The following LRRN2 variants were observed in gnomAD, a reference collection of about 807,000 sequenced individuals.
The protein encoded by LRRN2 is leucine rich repeat neuronal 2, also known as leucine-rich repeat neuronal protein 2.
A neutral mutation model predicts 35.7 loss-of-function variants in LRRN2; 10 were observed. The observed-to-expected ratio is 0.28, with a 90% CI of 0.17 to 0.47. The LOEUF (loss-of-function observed/expected upper bound fraction) is 0.47. Ranked by LOEUF, LRRN2 falls within the 20% of genes least tolerant of loss-of-function variation. The probability of loss-of-function intolerance (pLI) is 0.99; values close to 1 mark genes in which losing one functional copy is unlikely to be tolerated. For synonymous variants in LRRN2, 391 were observed against 409.6 expected (o/e 0.95, Z 0.55); for missense variants, 731 against 940.3 (o/e 0.78, Z 2.91).
intron 1 of LRRN2, among the ~76,000 whole-genome samples, chr1:204,672,577 G>A (rs112687572): frequency 1.5e-4 from 23 of 152,310 alleles, no homozygotes; most frequent in South Asian, 6.2e-4. Flanking sequence ...CTGTCGCGCC[G>A]TCTTGGAGGA....
chr1:204,632,459 G>A (rs7515096), intron 1 of LRRN2, among the ~76,000 whole-genome samples: 53,071 of 151,176 alleles, frequency 0.35, 10,920 homozygotes, highest in Admixed American at 0.47. Context: ...GTGAAACCCC[G>A]ACTCAATTAA....
chr1:204,667,291 T>C (rs1668592981), intron 1 of LRRN2, among the ~76,000 whole-genome samples: 1 of 152,188 alleles, frequency 6.6e-6, no homozygotes, highest in Admixed American at 6.5e-5. Flanking sequence ...AGGCAAGATG[T>C]TGGCACTGGG....
intron 1 of LRRN2, among the ~76,000 whole-genome samples, chr1:204,674,981 C>T (rs543993483): frequency 1.5e-4 from 23 of 152,288 alleles, no homozygotes; most frequent in Non-Finnish European, 2.2e-4. Context: ...TTGTAACGGA[C>T]GAGTTCATGA....
chr1:204,666,608 A>G (rs1038869976), intron 1 of LRRN2, among the ~76,000 whole-genome samples: 59 of 152,340 alleles, frequency 3.9e-4, no homozygotes, highest in African/African-American at 1.3e-3. Context: ...ACAAAAAAGA[A>G]CAAACTAACT....
Position 204,618,975 on chromosome 1 carries a change from G to A in LRRN2, c.1018C>T (p.Leu340Phe). 3 of 1,613,692 alleles carry A rather than the reference G, an allele frequency of 1.9e-6. No individual in the cohort carries two copies. The highest frequency in any genetic ancestry group is 2.5e-6 in the Non-Finnish European group (3 of 1,179,670). The change falls in exon 2 of 2, where the codon CTC (leucine) becomes TTC (phenylalanine). Residue 340 changes from leucine (L) to phenylalanine (F), a missense_variant. Transcript: ENST00000367177. ...CTGAGAGCGTTGTTGTTGAGCATGA[G>A]GGTCTCCATCTGGGGCAGGTGGTGG... is the stretch of plus-strand genomic sequence containing the variant. ...AFHHLPQMETLMLNNNALSAL... is the reference protein window; with the variant it reads ...AFHHLPQMETFMLNNNALSAL...
At chr1:204,656,705 A>G (rs969151931) in intron 1 of LRRN2, among the ~76,000 whole-genome samples, 1 of 152,226 alleles carries the variant, frequency 6.6e-6, no homozygotes, top group African/African-American at 2.4e-5. Context: ...ACACAGTTCC[A>G]TGACCTATTT....
At position 204,619,665 on chromosome 1, in the gene LRRN2, C is replaced by T. The variant is rs116665130; in HGVS notation, c.328G>A (p.Asp110Asn). The T allele has an allele frequency of 1.3e-4, 209 of 1,614,194 alleles. No individual in the cohort carries two copies. The East Asian group carries it at 4.2e-3, about 32-fold the overall frequency. The change falls in exon 2 of 2, where the codon GAC becomes AAC. Residue 110 changes from aspartate (D) to asparagine (N), a missense_variant. Physicochemically the swap from Asp to Asn is conservative, Grantham distance 23. Around this residue, in one of 3 missense-constraint regions of LRRN2, gnomAD observed 246 missense variants for 289.5 expected, o/e 0.85. Coordinates refer to ENST00000367177, the MANE Select transcript of LRRN2 (RefSeq NM_201630.2). ...TGGGGCAGGGCATGGAAATCACAGT[C>T]TCGGGCATCCGAAAAGCTGTTCTGG... ...LSQNSFSDARDCDFHALPQLL... is the reference protein window; with the variant it reads ...LSQNSFSDARNCDFHALPQLL...
intron 1 of LRRN2, among the ~76,000 whole-genome samples, chr1:204,658,657 C>G (rs905984923): frequency 8.5e-5 from 13 of 152,174 alleles, no homozygotes; most frequent in African/African-American, 3.1e-4. Flanking sequence ...AGATGCCAAC[C>G]ATTTCTCAGC....
intron 1 of LRRN2, among the ~76,000 whole-genome samples, chr1:204,644,189 C>T (rs1251373864): frequency 6.6e-6 from 1 of 152,044 alleles, no homozygotes; most frequent in Non-Finnish European, 1.5e-5. Flanking sequence ...GGTCAGAAGC[C>T]ACATTTCCCC....
chr1:204,646,992 G>A lies in LRRN2; in HGVS notation c.-226-26774C>T, dbSNP rs56723850. On this transcript the variant is annotated intron_variant, in intron 1 of 1. Transcript: ENST00000367177. ...CAACTGGATTCCAAGCCAGGGTTCC[G>A]TCTCAACCCAGAAGCTTTTACCCAC... Among the ~76,000 whole-genome samples the A allele has an allele frequency of 5.9e-3, 897 of 152,254 alleles. 9 individuals carry two copies. Among genetic ancestry groups the A allele is most frequent in the African/African-American group, 0.02 (843 of 41,558 alleles).
intron 1 of LRRN2, among the ~76,000 whole-genome samples, chr1:204,633,682 A>C (rs1236457197): frequency 1.3e-5 from 2 of 152,224 alleles, no homozygotes; most frequent in African/African-American, 4.8e-5. Flanking sequence ...GCCAGGACTC[A>C]AACTTGCTTC....
Position 204,676,512 on chromosome 1 carries a change from C to A in LRRN2, c.-227+8808G>T, listed in dbSNP as rs958369500. 1.6e-4 allele frequency among the ~76,000 whole-genome samples: 24 copies of A among 152,116 alleles called. 1 individual carries two copies. Among genetic ancestry groups the A allele is most frequent in the Admixed American group, 8.5e-4 (13 of 15,272 alleles). ...CATACAGCATAACCTCTGTTCTCAT[C>A]TCTGCAAGACACCCTCTGCCAACTG... On this transcript the variant is annotated intron_variant, in intron 1 of 1. Coordinates refer to ENST00000367177, the MANE Select transcript of LRRN2 (RefSeq NM_201630.2).
intron 1 of LRRN2, among the ~76,000 whole-genome samples, chr1:204,668,124 C>T (rs1055558953): frequency 3.3e-5 from 5 of 152,212 alleles, no homozygotes; most frequent in Non-Finnish European, 7.3e-5. Flanking sequence ...GCTGGCCCCA[C>T]CAAGCTAACT....
chr1:204,628,337 G>T, intron 1 of LRRN2: 1 of 152,382 alleles, frequency 6.6e-6, no homozygotes, highest in Non-Finnish European at 1.5e-5. Context: ...GAGAGCACAG[G>T]CGAGTGGTTG....
chr1:204,670,844 C>T (rs182536539), intron 1 of LRRN2, among the ~76,000 whole-genome samples: 1 of 152,250 alleles, frequency 6.6e-6, no homozygotes, highest in Non-Finnish European at 1.5e-5. Context: ...TGAAGCAGGG[C>T]TGGGGAAGGA....
intron 1 of LRRN2, among the ~76,000 whole-genome samples, chr1:204,679,755 T>C (rs969683247): frequency 2.6e-5 from 4 of 152,240 alleles, no homozygotes; most frequent in Non-Finnish European, 5.9e-5. Flanking sequence ...CATGTGTCCA[T>C]GGGCACTGAC....
chr1:204,662,185 C>T (rs902718818), intron 1 of LRRN2, among the ~76,000 whole-genome samples: 1 of 152,136 alleles, frequency 6.6e-6, no homozygotes, highest in African/African-American at 2.4e-5. Context: ...GTGTAGACAA[C>T]GTGGCACTTC....
chr1:204,657,042 C>T (rs556097867), intron 1 of LRRN2, among the ~76,000 whole-genome samples: 42 of 152,224 alleles, frequency 2.8e-4, no homozygotes, highest in African/African-American at 1.0e-3. Flanking sequence ...TGGTGGCTCA[C>T]GTCTGTAATC....
intron 1 of LRRN2, among the ~76,000 whole-genome samples, chr1:204,677,484 C>A (rs1285057645): frequency 1.3e-5 from 2 of 152,196 alleles, no homozygotes; most frequent in Non-Finnish European, 2.9e-5. Flanking sequence ...GAAGTTTGCT[C>A]ATTTTGGTGC....
Sources: gnomAD v4.1 joint callset for allele counts (sites outside exome capture counted in the v4.1 genomes callset) on GRCh38, gnomAD v4.1.1 for gene constraint, gnomAD v4.1.1 regional missense constraint, MANE v1.5 for transcripts, NCBI Gene and HGNC (gene_info 2026-07-23, HGNC 2026-07-21) for gene names.